The following AUTS2 variants were observed in gnomAD, a reference collection of about 807,000 sequenced individuals.
The protein encoded by AUTS2 is activator of transcription and developmental regulator AUTS2.
AUTS2 carries 17 observed loss-of-function variants against 112.4 expected under a neutral mutation model. The observed-to-expected ratio is 0.15, with a 90% CI of 0.10 to 0.23. AUTS2 has a LOEUF of 0.23. Ranked by LOEUF, AUTS2 falls within the 10% of genes least tolerant of loss-of-function variation. The probability of loss-of-function intolerance (pLI) is 1.00; values close to 1 mark genes in which losing one functional copy is unlikely to be tolerated. For missense variants in AUTS2, 1,510 were observed against 1,701.6 expected (o/e 0.89, Z 1.98); for synonymous variants, 751 against 702.7 (o/e 1.07, Z -1.09).
At chr7:70,395,888 C>T (rs1386380446) in intron 4 of AUTS2, among the ~76,000 whole-genome samples, 1 of 152,126 alleles carries the variant, frequency 6.6e-6, no homozygotes, top group Non-Finnish European at 1.5e-5. Context: ...TATGTTTTAG[C>T]TCTGAATGAT....
Position 70,480,540 on chromosome 7 carries a change from A to G in AUTS2, c.690+44759A>G, listed in dbSNP as rs574969384. 2.0e-5 allele frequency among the ~76,000 whole-genome samples: 3 copies of G among 152,284 alleles called. No homozygotes were observed. The South Asian group carries it at 6.2e-4, about 32-fold the overall frequency. ...AGGGACCAATCCATAAGGGGAATGCACCTGGTCATCTTTTCCTGAGCATCT... is the reference window on the plus strand; with the variant it reads ...AGGGACCAATCCATAAGGGGAATGCGCCTGGTCATCTTTTCCTGAGCATCT... On this transcript the variant is annotated intron_variant, in intron 5 of 18. Coordinates refer to ENST00000342771, the MANE Select transcript of AUTS2 (RefSeq NM_015570.4).
At chr7:70,232,669 T>C (rs1054609351) in intron 4 of AUTS2, among the ~76,000 whole-genome samples, 1 of 152,200 alleles carries the variant, frequency 6.6e-6, no homozygotes, top group Non-Finnish European at 1.5e-5. Flanking sequence ...TGTGAGCCAC[T>C]GCGCCCAGCC....
At chr7:70,191,232 A>G (rs528196082) in intron 4 of AUTS2, among the ~76,000 whole-genome samples, 1 of 144,892 alleles carries the variant, frequency 6.9e-6, no homozygotes, top group African/African-American at 2.6e-5. Flanking sequence ...CAGTGGCGCA[A>G]TCTCGGCTCA....
At chr7:70,120,003 C>G (rs1321700872) in intron 3 of AUTS2, 1 of 151,942 alleles carries the variant, frequency 6.6e-6, no homozygotes, top group Non-Finnish European at 1.5e-5. Flanking sequence ...TAATTGATGT[C>G]TATAATTTTT....
intron 1 of AUTS2, among the ~76,000 whole-genome samples, chr7:69,600,950 A>G (rs1042528789): frequency 6.6e-6 from 1 of 151,018 alleles, no homozygotes; most frequent in African/African-American, 2.4e-5. Flanking sequence ...TTTCAAATGC[A>G]CATTTTCCTT....
rs1313093171 is a variant in AUTS2 at position 70,512,200 on chromosome 7, CA to C, written c.690+76424del. ...TGGTGAACCGGGTGGGCCTCCCACA[CA>C]AAAAGCTCACTGGCAACTAGCAAAT... On this transcript the variant is annotated intron_variant, in intron 5 of 18. Transcript: ENST00000342771. 3.3e-5 allele frequency among the ~76,000 whole-genome samples: 5 copies of C among 152,188 alleles called. No individual in the cohort carries two copies. In the East Asian group the frequency reaches 9.6e-4, roughly 29 times the overall value.
intron 1 of AUTS2, among the ~76,000 whole-genome samples, chr7:69,814,873 G>T (rs1022892345): frequency 8.5e-5 from 13 of 152,256 alleles, no homozygotes; most frequent in African/African-American, 3.1e-4. Flanking sequence ...GTGGCCAACA[G>T]AAAAGCATTC....
intron 4 of AUTS2, among the ~76,000 whole-genome samples, chr7:70,300,967 A>G (rs1789184406): frequency 6.6e-6 from 1 of 152,152 alleles, no homozygotes; most frequent in Admixed American, 6.5e-5. Context: ...AAGAGTCTAT[A>G]TTTACATGGA....
intron 1 of AUTS2, among the ~76,000 whole-genome samples, chr7:69,689,183 G>A (rs1057462892): frequency 2.0e-5 from 3 of 151,872 alleles, no homozygotes; most frequent in East Asian, 1.9e-4. Context: ...CCTGCCTGGG[G>A]GGTTTCATAA....
At chr7:70,042,062 A>C (rs1801272657) in intron 2 of AUTS2, among the ~76,000 whole-genome samples, 1 of 152,206 alleles carries the variant, frequency 6.6e-6, no homozygotes, top group Admixed American at 6.5e-5. Context: ...TGTTTCATTC[A>C]TTCATTCATT....
intron 5 of AUTS2, among the ~76,000 whole-genome samples, chr7:70,622,072 A>C (rs953355663): frequency 2.6e-5 from 4 of 151,712 alleles, no homozygotes; most frequent in Non-Finnish European, 4.4e-5. Context: ...TCCTGACTTC[A>C]GGTGATCTGC....
chr7:69,834,391 A>G (rs1016626883), intron 1 of AUTS2, among the ~76,000 whole-genome samples: 2 of 152,192 alleles, frequency 1.3e-5, no homozygotes, highest in Admixed American at 6.5e-5. Context: ...TCACCTGAAT[A>G]AAGGAAAGGC....
At chr7:70,765,037 G>A (rs750280573) in intron 8 of AUTS2, 32 bp downstream of exon 8, 21 of 1,610,832 alleles carry the variant, frequency 1.3e-5, no homozygotes, top group South Asian at 8.8e-5. Flanking sequence ...TCGTGACCCC[G>A]ACCCCCACCG....
intron 4 of AUTS2, among the ~76,000 whole-genome samples, chr7:70,142,589 T>C (rs1806923257): frequency 6.6e-6 from 1 of 152,222 alleles, no homozygotes; most frequent in South Asian, 2.1e-4. Context: ...CAATTATTCA[T>C]AATGAATAAT....
At chr7:70,531,887 A>G (rs1223771290) in intron 5 of AUTS2, among the ~76,000 whole-genome samples, 1 of 152,164 alleles carries the variant, frequency 6.6e-6, no homozygotes, top group East Asian at 1.9e-4. Context: ...AGTAGCTCAT[A>G]ATTCTGTGGG....
chr7:69,744,670 C>CA lies in AUTS2; in HGVS notation c.309+144725dup, dbSNP rs61451653. On this transcript the variant is annotated intron_variant, in intron 1 of 18. Coordinates refer to ENST00000342771, the MANE Select transcript of AUTS2 (RefSeq NM_015570.4). ...CTACAAATCAAGACTCCCCACACTA[C>CA]AAAAAAAAAAAAAAAAATTAGCCGA... Among the ~76,000 whole-genome samples the CA allele has an allele frequency of 6.0e-3, 628 of 104,034 alleles. 4 individuals carry two copies. Among genetic ancestry groups the CA allele is most frequent in the Non-Finnish European group, 7.6e-3 (366 of 48,296 alleles). The allele number at this position is 104,034 out of a possible 152,430, so 68.3% of individuals were successfully genotyped here. A position where few individuals can be genotyped will look rare whatever the true frequency, so the allele number is the denominator to read the frequency against.
chr7:70,781,089 G>A lies in AUTS2; in HGVS notation c.2005-526G>A, dbSNP rs185458698. On this transcript the variant is annotated intron_variant, in intron 14 of 18. Transcript: ENST00000342771. ...TTGAAGACCAAACATAGCTGGGTGC[G>A]GTGGCTCACACCTGTAATCCTAGCA... Among the ~76,000 whole-genome samples the A allele has an allele frequency of 3.9e-5, 6 of 152,124 alleles. No homozygotes were observed. The East Asian group carries it at 7.7e-4, about 20-fold the overall frequency.
At chr7:70,582,691 G>A (rs73706105) in intron 5 of AUTS2, among the ~76,000 whole-genome samples, 2,749 of 152,220 alleles carry the variant, frequency 0.018, 90 homozygotes, top group African/African-American at 0.062. Flanking sequence ...CCTCTTCATC[G>A]TTCTTAGTAG....
chr7:70,473,953 C>T (rs551898672), intron 5 of AUTS2, among the ~76,000 whole-genome samples: 74 of 152,248 alleles, frequency 4.9e-4, no homozygotes, highest in Middle Eastern at 6.8e-3. Context: ...CTCCCAGCTT[C>T]TTCAAGCGTG....
Sources: allele counts gnomAD v4.1 joint callset (sites outside exome capture counted in the v4.1 genomes callset), GRCh38; gene constraint gnomAD v4.1.1; transcripts MANE v1.5; gene names NCBI Gene and HGNC (gene_info 2026-07-23, HGNC 2026-07-21).